Variants in CENPN observed in about 807,000 individuals in gnomAD.
CENPN encodes the protein centromere protein N.
Under a neutral mutation model 48.6 loss-of-function variants are expected in CENPN, and 36 were observed. That is an observed-to-expected ratio of 0.74 (90% CI 0.57 to 0.98). CENPN has a LOEUF of 0.98. CENPN is among the 50% of genes least tolerant of loss of function. The probability of loss-of-function intolerance (pLI) is 0.00; values close to 1 mark genes in which losing one functional copy is unlikely to be tolerated. For synonymous variants in CENPN, 166 were observed against 135.2 expected (o/e 1.23, Z -1.58); for missense variants, 439 against 399.2 (o/e 1.10, Z -0.85).
At chr16:81,008,103 T>C (rs926961825) in intron 1 of CENPN, among the ~76,000 whole-genome samples, 8 of 152,016 alleles carry the variant, frequency 5.3e-5, no homozygotes, top group African/African-American at 1.9e-4. Context: ...CGAGACTGTG[T>C]CTCCGAAACA....
chr16:81,022,782 C>T, intron 7 of CENPN, 84 bp downstream of exon 7: 2 of 1,613,928 alleles, frequency 1.2e-6, no homozygotes, highest in East Asian at 2.2e-5. Flanking sequence ...GAAAATCTAC[C>T]TCCGACAAGA....
chr16:81,025,636 T>C (rs1043153409), intron 8 of CENPN, among the ~76,000 whole-genome samples: 2 of 149,892 alleles, frequency 1.3e-5, no homozygotes, highest in Admixed American at 1.3e-4. Context: ...GGAGGGAAGA[T>C]CACGAGCCCA....
intron 2 of CENPN, among the ~76,000 whole-genome samples, chr16:81,013,136 T>C (rs899792328): frequency 9.9e-5 from 15 of 152,110 alleles, no homozygotes; most frequent in African/African-American, 3.6e-4. Flanking sequence ...CAAATGTCCA[T>C]CAGCAGGTAA....
At chr16:81,015,401 T>G (rs1318888197) in intron 3 of CENPN, among the ~76,000 whole-genome samples, 2 of 152,256 alleles carry the variant, frequency 1.3e-5, no homozygotes, top group Non-Finnish European at 2.9e-5. Context: ...TATTATCATT[T>G]GACCAATCTG....
intron 3 of CENPN, 93 bp from the exon 4 acceptor site, chr16:81,017,233 C>G: frequency 1.2e-6 from 1 of 828,142 alleles, no homozygotes; most frequent in Non-Finnish European, 2.0e-6. Context: ...ATTACTGTTA[C>G]TTTCCCCAGT....
At position 81,022,454 on chromosome 16, in the gene CENPN, G is replaced by C. The variant is rs545775398; in HGVS notation, c.532-143G>C. The stretch of plus-strand genomic sequence containing the variant: ...ACTTTGTTTTTGAAGCTCAGTAACA[G>C]GCTATCAGATGTTTTTCTAGACTTC... On this transcript the variant is annotated intron_variant, in intron 6 of 10. Transcript: ENST00000305850. The C allele has an allele frequency of 3.0e-5, 20 of 662,856 alleles. No individual in the cohort carries two copies. In the East Asian group the frequency reaches 5.2e-4, roughly 17 times the overall value. The allele number at this position is 662,856 out of a possible 1,614,324, so 41.1% of individuals were successfully genotyped here.
At position 81,030,374 on chromosome 16, in the gene CENPN, C is replaced by G; in HGVS notation, c.*1723C>G. ...TTCAGGAGGTTTCTCCTAGTGTACT[C>G]TCACACTTCTGATACCAGATATGTG... On this transcript the variant is annotated 3_prime_UTR_variant, in exon 11 of 11. Coordinates refer to ENST00000305850, the MANE Select transcript of CENPN (RefSeq NM_001100624.3). The G allele has an allele frequency of 2.0e-6, 2 of 985,110 alleles. No individual in the cohort carries two copies. The highest frequency in any genetic ancestry group is 2.4e-6 in the Non-Finnish European group (2 of 829,790). The allele number at this position is 985,110 out of a possible 1,614,324, so 61.0% of individuals were successfully genotyped here.
chr16:81,026,224 C>T (rs1365872312), intron 8 of CENPN, among the ~76,000 whole-genome samples: 6 of 139,596 alleles, frequency 4.3e-5, no homozygotes, highest in Middle Eastern at 3.7e-3. Context: ...TATATATATA[C>T]ACATATATGC....
chr16:81,028,727 A>G lies in CENPN; in HGVS notation c.*76A>G. Reference sequence around the variant, plus strand: ...CACTTCAGTTCATGGCTAGCTGTATAGCTTCCGTCTGTAAACTTGTATTTT... The same window carrying G: ...CACTTCAGTTCATGGCTAGCTGTATGGCTTCCGTCTGTAAACTTGTATTTT... On this transcript the variant is annotated 3_prime_UTR_variant, in exon 11 of 11. Transcript: ENST00000305850. 6.5e-7 allele frequency: 1 copy of G among 1,535,194 alleles called. No individual in the cohort carries two copies. Among genetic ancestry groups the G allele is most frequent in the Non-Finnish European group, 8.7e-7 (1 of 1,148,154 alleles).
At position 81,029,904 on chromosome 16, in the gene CENPN, A is replaced by G. The variant is rs1597114304; in HGVS notation, c.*1253A>G. Among the ~76,000 whole-genome samples, 1 of 152,208 alleles carries G rather than the reference A, an allele frequency of 6.6e-6. No homozygotes were observed. Among genetic ancestry groups the G allele is most frequent in the Non-Finnish European group, 1.5e-5 (1 of 68,038 alleles). ...CTAATAAAGATACCTAAGACTGGGTAATTCACAAAGGAAAGAGGCTTAACT... is the reference window on the plus strand; with the variant it reads ...CTAATAAAGATACCTAAGACTGGGTGATTCACAAAGGAAAGAGGCTTAACT... On this transcript the variant is annotated 3_prime_UTR_variant, in exon 11 of 11. Coordinates refer to ENST00000305850, the MANE Select transcript of CENPN (RefSeq NM_001100624.3).
Position 81,008,308 on chromosome 16 carries a change from G to C in CENPN, c.-11+1031G>C, listed in dbSNP as rs114610635. Among the ~76,000 whole-genome samples, 719 of 152,268 alleles carry C rather than the reference G, an allele frequency of 4.7e-3. 6 individuals are homozygous for C. Among genetic ancestry groups the C allele is most frequent in the African/African-American group, 0.016 (678 of 41,556 alleles). On this transcript the variant is annotated intron_variant, in intron 1 of 10. Coordinates refer to ENST00000305850, the MANE Select transcript of CENPN (RefSeq NM_001100624.3). ...AAGCCCTCCGTGCGCCCTCCTCACA[G>C]TTTAATTTGATAGGGCCCAGGAATC... is the stretch of plus-strand genomic sequence containing the variant.
intron 3 of CENPN, 122 bp downstream of exon 3, chr16:81,014,303 C>T: frequency 2.7e-6 from 2 of 737,678 alleles, no homozygotes; most frequent in Non-Finnish European, 4.8e-6. Context: ...AACGCCATCT[C>T]AGCTCACCGC....
intron 5 of CENPN, among the ~76,000 whole-genome samples, chr16:81,019,633 A>T (rs1376308446): frequency 1.3e-5 from 2 of 152,106 alleles, no homozygotes; most frequent in African/African-American, 4.8e-5. Flanking sequence ...CTTACCTCAT[A>T]AATTCTTACG....
chr16:81,011,218 CCTT>C lies in CENPN; in HGVS notation c.-10-709_-10-707del, dbSNP rs570180710. On this transcript the variant is annotated intron_variant, in intron 1 of 10. Coordinates refer to ENST00000305850, the MANE Select transcript of CENPN (RefSeq NM_001100624.3). ...TGGAAAGCTCTTCCACCACATGACT[CCTT>C]CTCCTACAAGGATTGCCCCCAAGTC... Among the ~76,000 whole-genome samples, 328 of 152,320 alleles carry C rather than the reference CCTT, an allele frequency of 2.2e-3. 1 individual carries two copies. The highest frequency in any genetic ancestry group is 7.7e-3 in the African/African-American group (318 of 41,568).
rs143828071 is a variant in CENPN at position 81,009,316 on chromosome 16, GAA to G, written c.-11+2040_-11+2041del. 9.3e-3 allele frequency among the ~76,000 whole-genome samples: 1,418 copies of G among 152,322 alleles called. 22 individuals carry two copies. The highest frequency in any genetic ancestry group is 0.032 in the African/African-American group (1,341 of 41,564). On this transcript the variant is annotated intron_variant, in intron 1 of 10. Coordinates refer to ENST00000305850, the MANE Select transcript of CENPN (RefSeq NM_001100624.3). ...GGAGAAACCATCTAAGCTAACACCAGAATTGCAAGAAGTCACTGGAGAGAACA... is the reference window on the plus strand; with the variant it reads ...GGAGAAACCATCTAAGCTAACACCAGTTGCAAGAAGTCACTGGAGAGAACA...
At chr16:81,014,593 C>A (rs561109229) in intron 3 of CENPN, among the ~76,000 whole-genome samples, 1 of 152,208 alleles carries the variant, frequency 6.6e-6, no homozygotes, top group East Asian at 1.9e-4. Context: ...CCCAGTATGT[C>A]ACTCAGCCGT....
At chr16:81,019,683 T>C (rs1970092211) in intron 5 of CENPN, among the ~76,000 whole-genome samples, 1 of 151,702 alleles carries the variant, frequency 6.6e-6, no homozygotes. Flanking sequence ...AAGAAATTAT[T>C]GAAAAAACAA....
chr16:81,025,148 ACT>A (rs10598823), intron 8 of CENPN, among the ~76,000 whole-genome samples: 139,537 of 152,074 alleles, frequency 0.92, 65,205 homozygotes, highest in Non-Finnish European at 1. Flanking sequence ...AGGTATGGTA[ACT>A]CTCTAGGCAA....
rs759046186 is a variant in CENPN, at chr16:81,017,326, A to G, written c.218A>G (p.Tyr73Cys). Residue 73 changes from tyrosine (Y) to cysteine (C), a missense_variant and splice_region_variant, in exon 4 of 11, where the codon TAT becomes TGT. Coordinates refer to ENST00000305850, the MANE Select transcript of CENPN (RefSeq NM_001100624.3). ...ISDAALLDII[Y>C]MQFHQHQKVW... is the part of the protein sequence containing the mutation. ...AATAAAGCTTTCTTCCCTCTCTCAG[A>G]TATGCAATTTCATCAGCACCAGAAA... is the stretch of plus-strand genomic sequence containing the variant. 3 of 1,590,014 alleles carry G rather than the reference A, an allele frequency of 1.9e-6. No homozygotes were observed. The highest frequency in any genetic ancestry group is 2.6e-6 in the Non-Finnish European group (3 of 1,158,754).
Sources: gnomAD v4.1 joint callset for allele counts (sites outside exome capture counted in the v4.1 genomes callset) on GRCh38, gnomAD v4.1.1 for gene constraint, MANE v1.5 for transcripts, NCBI Gene and HGNC (gene_info 2026-07-23, HGNC 2026-07-21) for gene names.